The following TRRAP variants were observed in gnomAD, a reference collection of about 807,000 sequenced individuals.
The protein encoded by TRRAP is transformation/transcription domain-associated protein.
A neutral mutation model predicts 438.8 loss-of-function variants in TRRAP; 41 were observed. The ratio of observed to expected loss-of-function variants is 0.09; its 90% CI spans 0.07 to 0.12. The LOEUF (loss-of-function observed/expected upper bound fraction) is 0.12. Ranked by LOEUF, TRRAP falls within the 10% of genes least tolerant of loss-of-function variation. The pLI is 1.00. For synonymous variants in TRRAP, 1,994 were observed against 1,962.9 expected, an observed-to-expected ratio of 1.02 and a Z score of -0.42; for missense variants, 3,122 against 5,055.1, an observed-to-expected ratio of 0.62 and a Z score of 11.60.
chr7:98,918,227 C>CT (rs71118647), intron 20 of TRRAP, among the ~76,000 whole-genome samples: 7,687 of 83,194 alleles, frequency 0.092, 1,166 homozygotes, highest in African/African-American at 0.28. Flanking sequence ...GGGTTATATT[C>CT]TTTTTTTTTT....
chr7:98,996,663 C>T (rs964797131), intron 67 of TRRAP, among the ~76,000 whole-genome samples: 12 of 152,284 alleles, frequency 7.9e-5, no homozygotes, highest in East Asian at 7.7e-4. Context: ...AATTTTTATA[C>T]AAAATGTCCT....
chr7:98,937,317 C>G, intron 29 of TRRAP, 40 bp downstream of exon 29: 1 of 1,593,490 alleles, frequency 6.3e-7, no homozygotes, highest in Non-Finnish European at 8.5e-7. Flanking sequence ...CGCGTGTGTG[C>G]ACACACATGT....
Position 99,006,182 on chromosome 7 carries a change from A to T in TRRAP, c.10753+834A>T, listed in dbSNP as rs193240565. Among the ~76,000 whole-genome samples the T allele has an allele frequency of 5.9e-5, 9 of 152,306 alleles. No homozygotes were observed. The East Asian group carries it at 1.7e-3, about 29-fold the overall frequency. On this transcript the variant is annotated intron_variant, in intron 69 of 72. Transcript: ENST00000456197. Reference sequence around the variant, plus strand: ...ACCGGCACGTAGATGAGATGCTTATAATGTTATCCAGAGAAGAGAGCCACT... The same window carrying T: ...ACCGGCACGTAGATGAGATGCTTATTATGTTATCCAGAGAAGAGAGCCACT...
intron 20 of TRRAP, 45 bp from the exon 21 acceptor site, chr7:98,921,708 G>C: frequency 1.2e-6 from 2 of 1,610,204 alleles, no homozygotes; most frequent in Non-Finnish European, 1.7e-6. Flanking sequence ...ACCTCGTGAA[G>C]GCATTACCTT....
chr7:98,939,118 T>A (rs117743939), intron 30 of TRRAP, among the ~76,000 whole-genome samples: 95 of 152,352 alleles, frequency 6.2e-4, no homozygotes, highest in Non-Finnish European at 1.2e-3. Context: ...AAACAGGATT[T>A]AATGGTCCAC....
intron 26 of TRRAP, among the ~76,000 whole-genome samples, chr7:98,932,875 G>A (rs1003539194): frequency 3.3e-5 from 5 of 152,242 alleles, no homozygotes; most frequent in African/African-American, 1.2e-4. Context: ...CTCTACCGTT[G>A]TGCCTGCTCT....
intron 49 of TRRAP, 44 bp from the exon 50 acceptor site, chr7:98,966,997 G>T: frequency 6.3e-7 from 1 of 1,580,966 alleles, no homozygotes; most frequent in South Asian, 1.2e-5. Context: ...TAGAGCAGAT[G>T]GTTGAAATAC....
chr7:98,982,046 C>T, intron 59 of TRRAP, 86 bp downstream of exon 59: 1 of 1,330,046 alleles, frequency 7.5e-7, no homozygotes, highest in South Asian at 1.7e-5. Context: ...GCAGACTGCT[C>T]CGGACAGCAG....
Position 98,956,685 on chromosome 7 carries a change from T to C in TRRAP, c.6231+152T>C. ...GTCACCAGATTGAAACTCCAGGACA[T>C]GTCACTCATGCAAGGGGTTCCCAGG... On this transcript the variant is annotated intron_variant, in intron 43 of 72. Transcript: ENST00000456197. This position sits in a 1 kb window ranked among gnomAD's most constrained non-coding sequence, Gnocchi z 4.5. 1 of 1,309,614 alleles carries C rather than the reference T, an allele frequency of 7.6e-7. No individual in the cohort carries two copies. The highest frequency in any genetic ancestry group is 1.0e-6 in the Non-Finnish European group (1 of 972,462). The allele number at this position is 1,309,614 out of a possible 1,614,324, so 81.1% of individuals were successfully genotyped here. A position where few individuals can be genotyped will look rare whatever the true frequency, so the allele number is the denominator to read the frequency against.
chr7:98,971,521 T>A (rs1340444013), intron 52 of TRRAP, among the ~76,000 whole-genome samples: 1 of 152,260 alleles, frequency 6.6e-6, no homozygotes, highest in Non-Finnish European at 1.5e-5. Context: ...TTTTTACGTT[T>A]AAAGTTTATT....
At chr7:99,010,952 T>C (rs1416863353) in intron 70 of TRRAP, 100 bp from the exon 71 acceptor site, 2 of 1,219,202 alleles carry the variant, frequency 1.6e-6, no homozygotes, top group Non-Finnish European at 2.3e-6. Context: ...CAGAATTTGC[T>C]CTTGGTGCTA....
Position 98,967,466 on chromosome 7 carries a change from C to G in TRRAP, c.7299-19C>G, listed in dbSNP as rs780812479. 1 of 1,612,772 alleles carries G rather than the reference C, an allele frequency of 6.2e-7. No individual in the cohort carries two copies. Among genetic ancestry groups the G allele is most frequent in the Non-Finnish European group, 8.5e-7 (1 of 1,179,564 alleles). ...TTGGGGAGTCCATCGTCTTGCCTGT[C>G]TCTGACTTGGTGTTACAGGGATGAG... On this transcript the variant is annotated intron_variant, in intron 50 of 72. Transcript: ENST00000456197.
At chr7:98,972,196 C>T (rs891321047) in intron 53 of TRRAP, among the ~76,000 whole-genome samples, 14 of 152,164 alleles carry the variant, frequency 9.2e-5, no homozygotes, top group African/African-American at 3.4e-4. Flanking sequence ...CATAGGCTGC[C>T]ACACCCAGCT....
Position 98,925,371 on chromosome 7 carries a change from C to G in TRRAP, c.2975+108C>G, listed in dbSNP as rs953457262. 66 of 1,426,816 alleles carry G rather than the reference C, an allele frequency of 4.6e-5. No homozygotes were observed. The East Asian group carries it at 1.5e-3, about 32-fold the overall frequency. The allele number at this position is 1,426,816 out of a possible 1,614,324, so 88.4% of individuals were successfully genotyped here. The stretch of plus-strand genomic sequence containing the variant: ...GTGCTAGGAGCAGGCTCCTTGAAGT[C>G]CAGCAGATGCCATATTATCTACCTA... On this transcript the variant is annotated intron_variant, in intron 22 of 72. Transcript: ENST00000456197.
intron 58 of TRRAP, among the ~76,000 whole-genome samples, chr7:98,980,583 A>G (rs1792873265): frequency 6.6e-6 from 1 of 152,182 alleles, no homozygotes; most frequent in Admixed American, 6.5e-5. Flanking sequence ...CGGCTGCTCC[A>G]TGGAACTGAC....
chr7:98,989,023 C>A (rs1039280469), intron 63 of TRRAP, 57 bp downstream of exon 63: 2 of 1,556,708 alleles, frequency 1.3e-6, no homozygotes, highest in African/African-American at 2.7e-5. Flanking sequence ...CAGATTTGGA[C>A]AGAAATTTAG....
intron 30 of TRRAP, among the ~76,000 whole-genome samples, chr7:98,940,979 A>G (rs1340956045): frequency 6.6e-6 from 1 of 152,184 alleles, no homozygotes; most frequent in Non-Finnish European, 1.5e-5. Context: ...GCATTCATGA[A>G]AACAACCCTG....
intron 6 of TRRAP, 72 bp from the exon 7 acceptor site, chr7:98,895,692 C>A: frequency 7.5e-7 from 1 of 1,330,042 alleles, no homozygotes; most frequent in Non-Finnish European, 1.0e-6. Flanking sequence ...ACAATTACAA[C>A]TTTTCTTATT....
At chr7:98,910,956 A>C (rs1378199105) in intron 16 of TRRAP, 121 bp from the exon 17 acceptor site, 13 of 771,198 alleles carry the variant, frequency 1.7e-5, no homozygotes, top group Non-Finnish European at 2.5e-5. Flanking sequence ...TTGGAGGGGG[A>C]CATTTGTTAT....
Sources: gnomAD v4.1 joint callset for allele counts (sites outside exome capture counted in the v4.1 genomes callset) on GRCh38, gnomAD v4.1.1 for gene constraint, Gnocchi (gnomAD v3.1) non-coding constraint, MANE v1.5 for transcripts, NCBI Gene and HGNC (gene_info 2026-07-23, HGNC 2026-07-21) for gene names.